TASP1: variants seen among roughly 807,000 people sequenced by gnomAD.
TASP1 encodes the protein taspase 1.
A neutral mutation model predicts 56.6 loss-of-function variants in TASP1; 16 were observed. The observed-to-expected ratio is 0.28, with a 90% CI of 0.19 to 0.43. TASP1 has a LOEUF of 0.43. Ranked by LOEUF, TASP1 falls within the 20% of genes least tolerant of loss-of-function variation. The probability of loss-of-function intolerance (pLI) is 1.00; values close to 1 mark genes in which losing one functional copy is unlikely to be tolerated. For missense variants in TASP1, 393 were observed against 511.6 expected, an observed-to-expected ratio of 0.77 and a Z score of 2.24; for synonymous variants, 179 against 184.2, an observed-to-expected ratio of 0.97 and a Z score of 0.23.
the TASP1 span, among the ~76,000 whole-genome samples, chr20:13,381,393 T>G: frequency 6.6e-6 from 1 of 152,208 alleles, no homozygotes; most frequent in Admixed American, 6.5e-5. Context: ...TAACCCTTCA[T>G]GGGCCATGCC....
Position 13,522,252 on chromosome 20 carries a change from G to A in TASP1, c.874+6181C>T, listed in dbSNP as rs1204774653. On this transcript the variant is annotated intron_variant, in intron 10 of 13. Coordinates refer to ENST00000337743, the MANE Select transcript of TASP1 (RefSeq NM_017714.3). ...AGTGGCTTAACATTTCAAAATAGAG[G>A]TATATCGTTTGAGTTCGGTTTGAAC... Among the ~76,000 whole-genome samples the A allele has an allele frequency of 2.0e-5, 3 of 152,132 alleles. No individual in the cohort carries two copies. In the East Asian group the frequency reaches 5.8e-4, roughly 29 times the overall value.
At chr20:13,282,072 C>T in the TASP1 span, among the ~76,000 whole-genome samples, 1 of 152,162 alleles carries the variant, frequency 6.6e-6, no homozygotes, top group African/African-American at 2.4e-5. Flanking sequence ...CCTCCAGGCA[C>T]TCTGCTGCAT....
At chr20:13,279,852 A>C in the TASP1 span, 1 of 1,613,972 alleles carries the variant, frequency 6.2e-7, no homozygotes, top group Middle Eastern at 1.6e-4. Flanking sequence ...GGGACCATAC[A>C]GCCCCAGGCC....
At chr20:13,394,005 G>C (rs1206838079) in intron 13 of TASP1, among the ~76,000 whole-genome samples, 1 of 152,102 alleles carries the variant, frequency 6.6e-6, no homozygotes, top group Non-Finnish European at 1.5e-5. Context: ...TTTTGGACGG[G>C]CGTGGTGGCT....
the TASP1 span, among the ~76,000 whole-genome samples, chr20:13,256,063 T>C: frequency 6.6e-6 from 1 of 152,018 alleles, no homozygotes; most frequent in African/African-American, 2.4e-5. Flanking sequence ...TTCGAAACCC[T>C]GTGTCCTGGG....
the TASP1 span, among the ~76,000 whole-genome samples, chr20:13,128,493 G>A: frequency 1.3e-5 from 2 of 152,098 alleles, no homozygotes; most frequent in South Asian, 4.1e-4. Flanking sequence ...CTCAACACAT[G>A]GCCCCCATGG....
the TASP1 span, among the ~76,000 whole-genome samples, chr20:13,123,947 G>A: frequency 1.7e-3 from 263 of 151,646 alleles, 1 homozygote; most frequent in African/African-American, 5.8e-3. Flanking sequence ...TCAGGAGCAC[G>A]GAACATGCCA....
intron 10 of TASP1, among the ~76,000 whole-genome samples, chr20:13,490,327 A>G (rs942427394): frequency 6.6e-6 from 1 of 152,192 alleles, no homozygotes; most frequent in Non-Finnish European, 1.5e-5. Context: ...TTATCCATCT[A>G]AAGAATGACC....
At chr20:13,288,655 GA>G in the TASP1 span, 2 of 1,613,872 alleles carry the variant, frequency 1.2e-6, no homozygotes, top group African/African-American at 2.7e-5. Context: ...CAACAGAATC[GA>G]GGACCTGTGA....
the TASP1 span, among the ~76,000 whole-genome samples, chr20:13,367,856 A>G: frequency 1.4e-4 from 22 of 152,090 alleles, no homozygotes; most frequent in East Asian, 7.7e-4. Flanking sequence ...AGATGATGGG[A>G]AAAAAATGAA....
intron 12 of TASP1, among the ~76,000 whole-genome samples, chr20:13,430,672 G>T (rs1172457604): frequency 6.6e-6 from 1 of 152,206 alleles, no homozygotes; most frequent in Non-Finnish European, 1.5e-5. Context: ...CGAGTCTCTA[G>T]TGTTTGGCTC....
chr20:13,268,412 G>C, the TASP1 span, among the ~76,000 whole-genome samples: 1 of 114,328 alleles, frequency 8.7e-6, no homozygotes, highest in Non-Finnish European at 1.7e-5. Context: ...CTCCATGCTA[G>C]GTTCAAACAA....
intron 6 of TASP1, 81 bp from the exon 7 acceptor site, chr20:13,569,667 G>A: frequency 8.1e-7 from 1 of 1,237,522 alleles, no homozygotes; most frequent in Non-Finnish European, 1.1e-6. Flanking sequence ...ATATGGTAAG[G>A]CAGTTGAGAA....
the TASP1 span, among the ~76,000 whole-genome samples, chr20:13,245,905 C>T: frequency 2.0e-5 from 3 of 152,274 alleles, no homozygotes; most frequent in South Asian, 6.2e-4. Context: ...TCTCACTATT[C>T]CTTGTACCCG....
chr20:13,567,315 A>C (rs2046566648), intron 7 of TASP1, among the ~76,000 whole-genome samples: 1 of 152,092 alleles, frequency 6.6e-6, no homozygotes, highest in African/African-American at 2.4e-5. Context: ...AAATAACTAA[A>C]GGGCACTTAG....
the TASP1 span, among the ~76,000 whole-genome samples, chr20:13,289,217 G>C: frequency 2.0e-5 from 3 of 152,190 alleles, no homozygotes; most frequent in South Asian, 2.1e-4. Flanking sequence ...ATTTAATTTA[G>C]AGGAGGGACT....
the TASP1 span, among the ~76,000 whole-genome samples, chr20:13,136,356 C>T: frequency 1.6e-4 from 24 of 152,042 alleles, no homozygotes; most frequent in East Asian, 5.8e-4. Context: ...CAGCACTTTG[C>T]GAGGCCAAGG....
Position 13,598,193 on chromosome 20 carries a change from T to C in TASP1, c.283-10823A>G, listed in dbSNP as rs532152464. Among the ~76,000 whole-genome samples, 50 of 152,240 alleles carry C rather than the reference T, an allele frequency of 3.3e-4. No individual in the cohort carries two copies. The South Asian group carries it at 0.01, about 31-fold the overall frequency. On this transcript the variant is annotated intron_variant, in intron 4 of 13. Transcript: ENST00000337743. Reference sequence around the variant, plus strand: ...ATTGGAAAAACTACTTTAAAGTTCATATGGAACCAAAAAAAGAGCCTGCAT... The same window carrying C: ...ATTGGAAAAACTACTTTAAAGTTCACATGGAACCAAAAAAAGAGCCTGCAT...
chr20:13,498,150 A>G (rs1175830461), intron 10 of TASP1, among the ~76,000 whole-genome samples: 1 of 152,186 alleles, frequency 6.6e-6, no homozygotes, highest in Non-Finnish European at 1.5e-5. Context: ...TTTGCACAGC[A>G]AAAGAACCCA....
Sources: allele counts gnomAD v4.1 joint callset (sites outside exome capture counted in the v4.1 genomes callset), GRCh38; gene constraint gnomAD v4.1.1; transcripts MANE v1.5; gene names NCBI Gene and HGNC (gene_info 2026-07-23, HGNC 2026-07-21).